PCDHGA4: variants seen among roughly 807,000 people sequenced by gnomAD.
The protein encoded by PCDHGA4 is protocadherin gamma-A4.
In PCDHGA4, 38 loss-of-function variants were observed where a neutral mutation model predicts 54.6. The observed-to-expected ratio is 0.70, with a 90% confidence interval of 0.54 to 0.91. The LOEUF (loss-of-function observed/expected upper bound fraction) is 0.91, where lower values mean the gene tolerates loss of function less well. PCDHGA4 is among the 40% of genes least tolerant of loss of function. The pLI is 0.00. For missense variants in PCDHGA4, 1,298 were observed against 1,220.9 expected, an observed-to-expected ratio of 1.06 and a Z score of -0.94; for synonymous variants, 511 against 512.9, an observed-to-expected ratio of 1.00 and a Z score of 0.05.
intron 1 of PCDHGA4, chr5:141,397,962 A>G (rs968992832): frequency 2.0e-5 from 21 of 1,036,912 alleles, no homozygotes; most frequent in Non-Finnish European, 2.8e-5. Flanking sequence ...CCCAGCTCAG[A>G]CTCCCCAGCG....
rs909174523 is a variant in PCDHGA4 at position 141,474,102 on chromosome 5, A to AAAC, written c.2515-20695_2515-20693dup. 2.6e-5 allele frequency among the ~76,000 whole-genome samples: 4 copies of AAAC among 152,286 alleles called. No homozygotes were observed. In the East Asian group the frequency reaches 7.7e-4, roughly 29 times the overall value. ...AAAACCAAAAAACAAACAACAACAA[A>AAAC]AACAACAACAACGAAAATCTCAGAA... is the stretch of plus-strand genomic sequence containing the variant. On this transcript the variant is annotated intron_variant, in intron 1 of 3. Coordinates refer to ENST00000571252, the MANE Select transcript of PCDHGA4 (RefSeq NM_018917.4).
rs762476625 is a variant in PCDHGA4 at position 141,420,218 on chromosome 5, C to A, written c.2514+62597C>A. On this transcript the variant is annotated intron_variant, in intron 1 of 3. Coordinates refer to ENST00000571252, the MANE Select transcript of PCDHGA4 (RefSeq NM_018917.4). The stretch of plus-strand genomic sequence containing the variant: ...AGATAACCTCAACAAAGATAGCATG[C>A]TACTGGCTAGCATTTTAACTCCCAG... 4 of 1,608,408 alleles carry A rather than the reference C, an allele frequency of 2.5e-6. No individual in the cohort carries two copies. In the South Asian group the frequency reaches 4.4e-5, roughly 18 times the overall value.
intron 1 of PCDHGA4, chr5:141,419,090 G>T: frequency 6.2e-7 from 1 of 1,613,922 alleles, no homozygotes; most frequent in Non-Finnish European, 8.5e-7. Flanking sequence ...TGAGGCCCTG[G>T]ATCGGGAGCA....
chr5:141,366,644 C>A, intron 1 of PCDHGA4: 3 of 1,614,268 alleles, frequency 1.9e-6, no homozygotes, highest in Non-Finnish European at 2.5e-6. Flanking sequence ...GATCTTTCCC[C>A]AGCCCAACTA....
intron 1 of PCDHGA4, chr5:141,393,177 G>A (rs1330463387): frequency 6.2e-7 from 1 of 1,613,292 alleles, no homozygotes; most frequent in South Asian, 1.1e-5. Flanking sequence ...GGTAGAAATA[G>A]AAATAATTGA....
At chr5:141,375,477 A>G (rs757005832) in intron 1 of PCDHGA4, 132 of 1,613,680 alleles carry the variant, frequency 8.2e-5, no homozygotes, top group Non-Finnish European at 1.1e-4. Context: ...CTTGAAAACA[A>G]CCCCAGGGGT....
At chr5:141,367,147 G>T in intron 1 of PCDHGA4, 1 of 167,442 alleles carries the variant, frequency 6.0e-6, no homozygotes. Context: ...ATAATGTATA[G>T]GACTGATATT....
At chr5:141,410,888 C>G in intron 1 of PCDHGA4, 1 of 290,774 alleles carries the variant, frequency 3.4e-6, no homozygotes, top group Non-Finnish European at 5.6e-6. Flanking sequence ...GAGTCTCGCA[C>G]TGTTGCCTAG....
chr5:141,426,542 T>C, intron 1 of PCDHGA4: 1 of 347,918 alleles, frequency 2.9e-6, no homozygotes, highest in South Asian at 2.2e-5. Context: ...AACATACTTG[T>C]GAGTGACAGA....
chr5:141,422,018 T>C, intron 1 of PCDHGA4: 1 of 1,610,840 alleles, frequency 6.2e-7, no homozygotes, highest in Non-Finnish European at 8.5e-7. Context: ...CGGGTGCTGA[T>C]GGTTAATGCA....
chr5:141,502,308 C>T (rs928137926), intron 2 of PCDHGA4, among the ~76,000 whole-genome samples: 2 of 151,586 alleles, frequency 1.3e-5, no homozygotes, highest in Non-Finnish European at 2.9e-5. Flanking sequence ...CTTTCCTCTC[C>T]TTTAATCTGG....
chr5:141,480,599 C>A (rs1202373543), intron 1 of PCDHGA4, among the ~76,000 whole-genome samples: 1 of 141,438 alleles, frequency 7.1e-6, no homozygotes, highest in East Asian at 1.9e-4. Flanking sequence ...TCTGGTCAGC[C>A]TGGAAAGCAA....
At chr5:141,484,317 T>C (rs939085863) in intron 1 of PCDHGA4, among the ~76,000 whole-genome samples, 1 of 152,220 alleles carries the variant, frequency 6.6e-6, no homozygotes, top group Non-Finnish European at 1.5e-5. Context: ...CCCGCTTCCA[T>C]ACTGTCCTTG....
In PCDHGA4 at chr5:141,500,527, A is replaced by C. The variant is rs937551961; in HGVS notation, c.2574-4866A>C. On this transcript the variant is annotated intron_variant, in intron 2 of 3. Transcript: ENST00000571252. ...CCTGGCCGAGCTTCATTTTAAAAAA[A>C]TCTCATTCACCTAAATAAGTTGTTC... is the stretch of plus-strand genomic sequence containing the variant. 5.9e-5 allele frequency among the ~76,000 whole-genome samples: 9 copies of C among 152,298 alleles called. No individual in the cohort carries two copies. The South Asian group carries it at 6.2e-4, about 11-fold the overall frequency.
chr5:141,486,673 A>G lies in PCDHGA4; in HGVS notation c.2515-8134A>G. On this transcript the variant is annotated intron_variant, in intron 1 of 3. Transcript: ENST00000571252. The surrounding 1 kb of genome is among the most constrained non-coding windows in gnomAD (Gnocchi z 5.0). ...ACTCACTCCTGGAGCCCAGGAATCG[A>G]GATGTATCAGCTTCCTCTTTCATCT... The G allele has an allele frequency of 6.2e-7, 1 of 1,614,014 alleles. No homozygotes were observed. The highest frequency in any genetic ancestry group is 2.2e-5 in the East Asian group (1 of 44,866).
In PCDHGA4 at chr5:141,405,166, A is replaced by G. The variant is rs1303146593; in HGVS notation, c.2514+47545A>G. The G allele has an allele frequency of 9.3e-6, 15 of 1,613,862 alleles. No individual in the cohort carries two copies. In the East Asian group the frequency reaches 3.3e-4, roughly 36 times the overall value. On this transcript the variant is annotated intron_variant, in intron 1 of 3. Coordinates refer to ENST00000571252, the MANE Select transcript of PCDHGA4 (RefSeq NM_018917.4). Reference sequence around the variant, plus strand: ...ATGGGTTGGCTGGTGTGCCCACCTCACACTTTGTGGGTGTAGATGGGGTTC... The same window carrying G: ...ATGGGTTGGCTGGTGTGCCCACCTCGCACTTTGTGGGTGTAGATGGGGTTC...
chr5:141,505,602 A>G lies in PCDHGA4; in HGVS notation c.2662+121A>G, dbSNP rs1041288927. 4.6e-5 allele frequency: 71 copies of G among 1,534,990 alleles called. 1 individual carries two copies. In the Admixed American group the frequency reaches 1.4e-3, roughly 30 times the overall value. On this transcript the variant is annotated intron_variant, in intron 3 of 3. Coordinates refer to ENST00000571252, the MANE Select transcript of PCDHGA4 (RefSeq NM_018917.4). ...GTGTAGTTTCTCCAGATCTTTCGGC[A>G]GGTCTGAAAGGACCCACAATTCCAA...
chr5:141,411,544 AC>A (rs2095497010), intron 1 of PCDHGA4: 1 of 152,298 alleles, frequency 6.6e-6, no homozygotes. Context: ...TGATCTTGCC[AC>A]TGCACTCCAG....
At chr5:141,371,755 A>T (rs752277488) in intron 1 of PCDHGA4, 3 of 1,614,030 alleles carry the variant, frequency 1.9e-6, no homozygotes, top group South Asian at 1.1e-5. Flanking sequence ...GTTTTCCACC[A>T]GGCCTCCTAC....
Sources: gnomAD v4.1 joint callset for allele counts (sites outside exome capture counted in the v4.1 genomes callset) on GRCh38, gnomAD v4.1.1 for gene constraint, Gnocchi (gnomAD v3.1) non-coding constraint, MANE v1.5 for transcripts, NCBI Gene and HGNC (gene_info 2026-07-23, HGNC 2026-07-21) for gene names.